SEMA3C: variants seen among roughly 807,000 people sequenced by gnomAD.
SEMA3C encodes semaphorin 3C.
A neutral mutation model predicts 89.4 loss-of-function variants in SEMA3C; 47 were observed. The observed-to-expected ratio is 0.53, with a 90% CI of 0.42 to 0.67. The LOEUF is 0.67. Ranked by LOEUF, SEMA3C falls within the 30% of genes least tolerant of loss-of-function variation. The probability of loss-of-function intolerance (pLI) is 0.00; values close to 1 mark genes in which losing one functional copy is unlikely to be tolerated. For missense variants in SEMA3C, 839 were observed against 929.1 expected (o/e 0.90, Z 1.26); for synonymous variants, 310 against 320.2 (o/e 0.97, Z 0.34).
intron 2 of SEMA3C, among the ~76,000 whole-genome samples, chr7:80,863,738 ATAG>A (rs997795167): frequency 1.8e-4 from 26 of 146,538 alleles, no homozygotes; most frequent in African/African-American, 6.0e-4. Context: ...TATCACATAT[ATAG>A]TAGTATTCCA....
At chr7:80,919,302 C>T (rs1792360596), upstream of SEMA3C, 9 of 985,262 alleles carry the variant, frequency 9.1e-6, no homozygotes, top group Non-Finnish European at 1.1e-5. Flanking sequence ...CAAGAATGCG[C>T]GGCCGCAGGC....
At chr7:80,789,176 C>G in intron 12 of SEMA3C, 130 bp downstream of exon 12, 1 of 655,030 alleles carries the variant, frequency 1.5e-6, no homozygotes, top group South Asian at 2.4e-5. Flanking sequence ...GATTAAATAT[C>G]TCACTAAGGG....
At chr7:80,795,482 G>C (rs73372906) in intron 11 of SEMA3C, among the ~76,000 whole-genome samples, 2,842 of 152,120 alleles carry the variant, frequency 0.019, 82 homozygotes, top group African/African-American at 0.054. Flanking sequence ...TTTTCACGGA[G>C]TCTGTTGCAG....
At chr7:80,906,044 G>T in intron 2 of SEMA3C, 2 of 404,466 alleles carry the variant, frequency 4.9e-6, no homozygotes, top group Non-Finnish European at 9.0e-6. Flanking sequence ...GACATAACAA[G>T]CTTTACAAAA....
chr7:80,794,039 G>C (rs1273100903), intron 11 of SEMA3C, among the ~76,000 whole-genome samples: 1 of 151,988 alleles, frequency 6.6e-6, no homozygotes, highest in South Asian at 2.1e-4. Context: ...TTACATAGTT[G>C]AAGACTTGTG....
At chr7:80,860,842 G>T (rs1583951019) in intron 2 of SEMA3C, among the ~76,000 whole-genome samples, 1 of 152,140 alleles carries the variant, frequency 6.6e-6, no homozygotes, top group African/African-American at 2.4e-5. Context: ...GAAAAATTCT[G>T]TTTGGGGAGA....
chr7:80,752,982 T>C (rs1032061064), intron 15 of SEMA3C, among the ~76,000 whole-genome samples: 1 of 152,172 alleles, frequency 6.6e-6, no homozygotes, highest in African/African-American at 2.4e-5. Flanking sequence ...ACACAGTAGA[T>C]ATTAAACTTA....
intron 2 of SEMA3C, among the ~76,000 whole-genome samples, chr7:80,878,900 G>A (rs1246289632): frequency 6.6e-6 from 1 of 152,044 alleles, no homozygotes; most frequent in Non-Finnish European, 1.5e-5. Context: ...TGTTATAGAG[G>A]TAGGAAATGA....
chr7:80,776,886 T>G (rs1788560967), intron 12 of SEMA3C, among the ~76,000 whole-genome samples: 1 of 152,168 alleles, frequency 6.6e-6, no homozygotes, highest in Non-Finnish European at 1.5e-5. Context: ...TGCTTATTTC[T>G]AGTGAACAGA....
At chr7:80,859,829 T>C (rs1027106984) in intron 2 of SEMA3C, among the ~76,000 whole-genome samples, 9 of 152,114 alleles carry the variant, frequency 5.9e-5, no homozygotes, top group Non-Finnish European at 1.2e-4. Flanking sequence ...ACAGAAAATG[T>C]TTCTGAACTG....
At chr7:80,850,501 T>A (rs182965890) in intron 2 of SEMA3C, among the ~76,000 whole-genome samples, 2 of 152,286 alleles carry the variant, frequency 1.3e-5, no homozygotes, top group African/African-American at 4.8e-5. Flanking sequence ...AAATAAGTCA[T>A]ACACAAAATA....
At chr7:80,858,247 G>A (rs1790687781) in intron 2 of SEMA3C, among the ~76,000 whole-genome samples, 1 of 152,046 alleles carries the variant, frequency 6.6e-6, no homozygotes, top group Non-Finnish European at 1.5e-5. Context: ...TTCTTTGGGT[G>A]CGGCTCAAAA....
chr7:80,754,421 T>C (rs1181523072), intron 15 of SEMA3C, among the ~76,000 whole-genome samples: 1 of 152,170 alleles, frequency 6.6e-6, no homozygotes, highest in Non-Finnish European at 1.5e-5. Flanking sequence ...CGTGTTTTGC[T>C]TAGAGAGTGG....
In SEMA3C at chr7:80,751,329, G is replaced by T. The variant is rs138526129; in HGVS notation, c.1651C>A (p.Arg551=). The change falls in exon 16 of 18, where the codon CGA becomes AGA. Residue 551 remains arginine (R), a synonymous_variant. Transcript: ENST00000265361. The stretch of plus-strand genomic sequence containing the variant: ...TTTCCATGTCTCACATCTTGTCTTC[G>T]GCTCCTCCTGCAAGTGCAGAAATAC... ...RFYPTGKRRS[R]RQDVRHGNPL... is the part of the protein sequence containing the mutation. The T allele has an allele frequency of 3.8e-5, 62 of 1,613,410 alleles. No homozygotes were observed. The highest frequency in any genetic ancestry group is 5.1e-5 in the Non-Finnish European group (60 of 1,179,718).
intron 10 of SEMA3C, among the ~76,000 whole-genome samples, chr7:80,800,543 AATCATT>A (rs1233559598): frequency 6.6e-6 from 1 of 152,232 alleles, no homozygotes; most frequent in East Asian, 1.9e-4. Flanking sequence ...AATATCATGC[AATCATT>A]ACAAATACTC....
At chr7:80,865,455 T>C (rs1790903399) in intron 2 of SEMA3C, among the ~76,000 whole-genome samples, 1 of 152,180 alleles carries the variant, frequency 6.6e-6, no homozygotes, top group African/African-American at 2.4e-5. Flanking sequence ...GTCTCATTTA[T>C]CTGGAATATC....
intron 15 of SEMA3C, among the ~76,000 whole-genome samples, 167 bp from the exon 16 acceptor site, chr7:80,751,503 T>C (rs1420970978): frequency 1.4e-5 from 2 of 147,634 alleles, no homozygotes; most frequent in Admixed American, 1.4e-4. Context: ...TCTTATACAA[T>C]TTATCAATAA....
chr7:80,911,299 C>T (rs1008507949), intron 2 of SEMA3C, among the ~76,000 whole-genome samples: 3 of 152,042 alleles, frequency 2.0e-5, no homozygotes, highest in Non-Finnish European at 2.9e-5. Context: ...AAATGGCTGC[C>T]ACAAAGTCAG....
intron 2 of SEMA3C, among the ~76,000 whole-genome samples, chr7:80,850,063 C>T (rs1367239010): frequency 2.0e-5 from 3 of 151,890 alleles, no homozygotes; most frequent in African/African-American, 4.8e-5. Context: ...AGAATATAAA[C>T]GAAAACTATG....
Sources: gnomAD v4.1 joint callset for allele counts (sites outside exome capture counted in the v4.1 genomes callset) on GRCh38, gnomAD v4.1.1 for gene constraint, MANE v1.5 for transcripts, NCBI Gene and HGNC (gene_info 2026-07-23, HGNC 2026-07-21) for gene names.